WDR43: variants seen among roughly 807,000 people sequenced by gnomAD.
The protein encoded by WDR43 is WD repeat-containing protein 43.
Under a neutral mutation model 91.4 loss-of-function variants are expected in WDR43, and 13 were observed. The observed-to-expected ratio is 0.14, with a 90% CI of 0.09 to 0.23. The LOEUF is 0.23. Ranked by LOEUF, WDR43 falls within the 10% of genes least tolerant of loss-of-function variation. The probability of loss-of-function intolerance (pLI) is 1.00; values close to 1 mark genes in which losing one functional copy is unlikely to be tolerated. For missense variants in WDR43, 780 were observed against 809.4 expected (o/e 0.96, Z 0.44); for synonymous variants, 331 against 287.9 (o/e 1.15, Z -1.51).
rs1287328209 is a variant in WDR43, at chr2:28,946,904, A to G, written c.*125A>G. On this transcript the variant is annotated 3_prime_UTR_variant, in exon 18 of 18. Coordinates refer to ENST00000407426, the MANE Select transcript of WDR43 (RefSeq NM_015131.3). ...TTCCAAATTCACAGCAGTGGATCCC[A>G]TGCCACTTTGCTGTCCTGAGCACCC... 2 of 1,149,390 alleles carry G rather than the reference A, an allele frequency of 1.7e-6. No individual in the cohort carries two copies. The highest frequency in any genetic ancestry group is 2.4e-6 in the Non-Finnish European group (2 of 838,048). The allele number at this position is 1,149,390 out of a possible 1,614,324, so 71.2% of individuals were successfully genotyped here.
At chr2:28,894,993 C>T (rs1670447875) in intron 1 of WDR43, 70 bp downstream of exon 1, 9 of 1,396,938 alleles carry the variant, frequency 6.4e-6, no homozygotes, top group South Asian at 1.5e-5. Context: ...GGCCGGGTGG[C>T]GCGTGGTCCG....
intron 5 of WDR43, among the ~76,000 whole-genome samples, 156 bp downstream of exon 5, chr2:28,914,364 A>T (rs1342434933): frequency 6.6e-6 from 1 of 152,246 alleles, no homozygotes; most frequent in Admixed American, 6.5e-5. Context: ...TACAAAACAG[A>T]TCTTTCTGAG....
chr2:28,903,428 A>G (rs1263782908), intron 2 of WDR43, among the ~76,000 whole-genome samples: 1 of 152,214 alleles, frequency 6.6e-6, no homozygotes, highest in Non-Finnish European at 1.5e-5. Context: ...TTATCTCAGC[A>G]GTATCATTAC....
intron 9 of WDR43, chr2:28,926,955 T>C: frequency 6.6e-6 from 3 of 452,660 alleles, no homozygotes; most frequent in Non-Finnish European, 8.9e-6. Context: ...GGCTAGAATA[T>C]AATACCACAA....
chr2:28,925,833 A>C (rs1223321900), intron 8 of WDR43, among the ~76,000 whole-genome samples: 1 of 152,230 alleles, frequency 6.6e-6, no homozygotes, highest in Non-Finnish European at 1.5e-5. Context: ...TTAAGCTGTA[A>C]ACATGGCTCC....
chr2:28,922,873 G>T (rs1458140763), intron 6 of WDR43, 46 bp from the exon 7 acceptor site: 2 of 1,535,722 alleles, frequency 1.3e-6, no homozygotes, highest in East Asian at 2.3e-5. Flanking sequence ...ATTGGGGACT[G>T]GAGTATGTTA....
chr2:28,943,427 C>A (rs1414399921), intron 16 of WDR43, among the ~76,000 whole-genome samples: 1 of 152,158 alleles, frequency 6.6e-6, no homozygotes, highest in Non-Finnish European at 1.5e-5. Context: ...TGACCCACAA[C>A]ACTGGGCTGT....
chr2:28,929,524 C>T, intron 10 of WDR43, 55 bp from the exon 11 acceptor site: 1 of 1,416,074 alleles, frequency 7.1e-7, no homozygotes, highest in Non-Finnish European at 9.3e-7. Flanking sequence ...TTTTTGTCTC[C>T]AAACTACTTT....
intron 9 of WDR43, chr2:28,927,193 A>T (rs772269935): frequency 7.8e-6 from 4 of 515,300 alleles, no homozygotes; most frequent in Non-Finnish European, 1.5e-5. Context: ...GTGTAACTTC[A>T]CTTTTTAAAT....
At chr2:28,897,421 G>T (rs1488728679) in intron 1 of WDR43, among the ~76,000 whole-genome samples, 1 of 152,014 alleles carries the variant, frequency 6.6e-6, no homozygotes, top group African/African-American at 2.4e-5. Context: ...TTTTGTTAAG[G>T]TCCTGCTATA....
intron 14 of WDR43, among the ~76,000 whole-genome samples, chr2:28,940,310 A>AC (rs1164679724): frequency 5.3e-5 from 8 of 150,690 alleles, no homozygotes; most frequent in African/African-American, 2.0e-4. Flanking sequence ...GCTCACCGCA[A>AC]CCTCCGCCTT....
intron 1 of WDR43, among the ~76,000 whole-genome samples, chr2:28,901,179 G>T (rs1444686592): frequency 6.6e-6 from 1 of 152,178 alleles, no homozygotes; most frequent in Non-Finnish European, 1.5e-5. Context: ...ATAGGCTGGT[G>T]AGCCGTAATT....
At chr2:28,907,491 C>T (rs1182001693) in intron 3 of WDR43, among the ~76,000 whole-genome samples, 2 of 146,126 alleles carry the variant, frequency 1.4e-5, no homozygotes, top group Non-Finnish European at 3.0e-5. Flanking sequence ...GCATGCATGG[C>T]CTGTGGCCCC....
chr2:28,946,866 G>A lies in WDR43; in HGVS notation c.*87G>A, dbSNP rs1671552808. On this transcript the variant is annotated 3_prime_UTR_variant, in exon 18 of 18. Coordinates refer to ENST00000407426, the MANE Select transcript of WDR43 (RefSeq NM_015131.3). ...GCTGCCTCTGTGCCAGGATGCCAAG[G>A]ACCGCTGCACATTTCCAAATTCACA... 7.0e-7 allele frequency: 1 copy of A among 1,422,500 alleles called. No homozygotes were observed. The highest frequency in any genetic ancestry group is 9.2e-7 in the Non-Finnish European group (1 of 1,081,922). 88.1% of individuals were successfully genotyped at this position (1,422,500 alleles called of 1,614,324 possible). A position where few individuals can be genotyped will look rare whatever the true frequency, so the allele number is the denominator to read the frequency against.
intron 5 of WDR43, among the ~76,000 whole-genome samples, chr2:28,915,730 G>A (rs910570292): frequency 2.0e-5 from 3 of 152,134 alleles, no homozygotes; most frequent in South Asian, 2.1e-4. Context: ...TATAACATTC[G>A]AAGGCTTCTT....
intron 1 of WDR43, among the ~76,000 whole-genome samples, chr2:28,896,410 C>T (rs577897291): frequency 6.6e-6 from 1 of 152,094 alleles, no homozygotes; most frequent in Admixed American, 6.6e-5. Flanking sequence ...TAGAATAGTT[C>T]TTGACAGGTA....
chr2:28,936,792 T>C (rs1295665272), intron 12 of WDR43, 130 bp from the exon 13 acceptor site: 2 of 802,818 alleles, frequency 2.5e-6, no homozygotes, highest in African/African-American at 1.8e-5. Context: ...ATTCATAGAC[T>C]GTATTATGCG....
Position 28,947,882 on chromosome 2 carries a change from T to TTTTTTTTTTTTTTTTTTTTC in WDR43, c.*1110_*1111insTTTTTTTTTTTTCTTTTTTT, listed in dbSNP as rs1671578108. On this transcript the variant is annotated 3_prime_UTR_variant, in exon 18 of 18. Coordinates refer to ENST00000407426, the MANE Select transcript of WDR43 (RefSeq NM_015131.3). ...AGTAGTAGTTTTTTTTTTTTTTTTT[T>TTTTTTTTTTTTTTTTTTTTC]TTTTTTTAAAGAATGAGCCGATATT... The TTTTTTTTTTTTTTTTTTTTC allele has an allele frequency of 6.7e-6, 1 of 149,332 alleles. No homozygotes were observed. The highest frequency in any genetic ancestry group is 1.5e-5 in the Non-Finnish European group (1 of 66,984). The allele number at this position is 149,332 out of a possible 1,614,324, so 9.3% of individuals were successfully genotyped here.
At chr2:28,913,203 C>T (rs1670842042) in intron 4 of WDR43, among the ~76,000 whole-genome samples, 1 of 152,170 alleles carries the variant, frequency 6.6e-6, no homozygotes, top group Non-Finnish European at 1.5e-5. Flanking sequence ...ATCTGCCTGC[C>T]TCGGCCTCCC....
Sources: gnomAD v4.1 joint callset for allele counts (sites outside exome capture counted in the v4.1 genomes callset) on GRCh38, gnomAD v4.1.1 for gene constraint, MANE v1.5 for transcripts, NCBI Gene and HGNC (gene_info 2026-07-23, HGNC 2026-07-21) for gene names.